Variants in RAPGEF1 observed in about 807,000 individuals in gnomAD.
RAPGEF1 encodes CRK SH3-binding GNRP.
In RAPGEF1, 33 loss-of-function variants were observed where a neutral mutation model predicts 143.3. That is an observed-to-expected ratio of 0.23 (90% CI 0.17 to 0.31). The LOEUF is 0.31. Among genes scored for constraint, RAPGEF1 ranks in the 10% least tolerant of loss-of-function variants. The pLI, the probability that RAPGEF1 is intolerant of heterozygous loss-of-function variation, is 1.00. For missense variants in RAPGEF1, 1,199 were observed against 1,645.4 expected (o/e 0.73, Z 4.69); for synonymous variants, 629 against 676.5 (o/e 0.93, Z 1.09).
chr9:131,580,395 G>T lies in RAPGEF1; in HGVS notation c.3513-4C>A. On this transcript the variant is annotated splice_polypyrimidine_tract_variant and splice_region_variant and intron_variant, in intron 25 of 26. Coordinates refer to ENST00000683357, the MANE Select transcript of RAPGEF1 (RefSeq NM_001377935.1). ...CAGGTCCTGCAGGATCAGCCCCCTGGGAGGACGGGTTAGGCAGCCTGTTAC... is the reference window on the plus strand; with the variant it reads ...CAGGTCCTGCAGGATCAGCCCCCTGTGAGGACGGGTTAGGCAGCCTGTTAC... The T allele has an allele frequency of 6.2e-7, 1 of 1,612,968 alleles. No homozygotes were observed. Among genetic ancestry groups the T allele is most frequent in the Non-Finnish European group, 8.5e-7 (1 of 1,179,340 alleles).
intron 1 of RAPGEF1, among the ~76,000 whole-genome samples, chr9:131,702,499 A>G (rs1834735043): frequency 1.3e-5 from 2 of 152,252 alleles, no homozygotes; most frequent in African/African-American, 4.8e-5. Context: ...GTGCCATCAG[A>G]TAATTCATCA....
intron 17 of RAPGEF1, among the ~76,000 whole-genome samples, chr9:131,593,295 T>C (rs113180312): frequency 2.0e-5 from 3 of 152,350 alleles, no homozygotes; most frequent in African/African-American, 7.2e-5. Flanking sequence ...ATTTATTTGC[T>C]GTGGTGACAC....
intron 1 of RAPGEF1, among the ~76,000 whole-genome samples, chr9:131,731,053 T>G (rs773566909): frequency 6.6e-6 from 1 of 152,170 alleles, no homozygotes; most frequent in African/African-American, 2.4e-5. Context: ...TGGGGAATAG[T>G]CAGATGGGCT....
intron 4 of RAPGEF1, among the ~76,000 whole-genome samples, chr9:131,640,989 G>C (rs777808272): frequency 6.6e-6 from 1 of 152,100 alleles, no homozygotes; most frequent in Non-Finnish European, 1.5e-5. Flanking sequence ...GGTCCTTACA[G>C]CCACACCCAG....
chr9:131,717,393 G>A (rs968394852), intron 1 of RAPGEF1, among the ~76,000 whole-genome samples: 11 of 152,308 alleles, frequency 7.2e-5, no homozygotes, highest in South Asian at 4.1e-4. Flanking sequence ...ATTAGTGAGC[G>A]TCAGCTATGT....
intron 17 of RAPGEF1, among the ~76,000 whole-genome samples, chr9:131,595,754 T>C (rs543530064): frequency 1.4e-4 from 21 of 152,278 alleles, no homozygotes; most frequent in African/African-American, 4.8e-4. Flanking sequence ...GTCCCTGCTT[T>C]TCCAGCCCTC....
chr9:131,624,969 C>T (rs1541052), intron 10 of RAPGEF1, among the ~76,000 whole-genome samples: 131,726 of 152,340 alleles, frequency 0.86, 57,157 homozygotes, highest in African/African-American at 0.93. Context: ...CTCAGGGCGA[C>T]CCTTGCTGGA....
Position 131,583,236 on chromosome 9 carries a change from C to T in RAPGEF1, c.3415-534G>A, listed in dbSNP as rs2132110389. Among the ~76,000 whole-genome samples the T allele has an allele frequency of 6.6e-6, 1 of 152,298 alleles. No homozygotes were observed. The highest frequency in any genetic ancestry group is 1.9e-4 in the East Asian group (1 of 5,184). On this transcript the variant is annotated intron_variant, in intron 24 of 26. Transcript: ENST00000683357. This position sits in a 1 kb window ranked among gnomAD's most constrained non-coding sequence, Gnocchi z 4.7. ...GAGACTCAGCCAGCCCTGCCCCACT[C>T]AGAAGGCCCCTCTCCTGCCTCTTCT...
At chr9:131,598,552 A>G in intron 15 of RAPGEF1, 1 of 651,962 alleles carries the variant, frequency 1.5e-6, no homozygotes, top group South Asian at 1.5e-5. Flanking sequence ...CGCTGGGAAA[A>G]TAAAAAGGTT....
intron 1 of RAPGEF1, among the ~76,000 whole-genome samples, chr9:131,721,230 T>C (rs2131279571): frequency 1.3e-5 from 2 of 152,274 alleles, no homozygotes; most frequent in Non-Finnish European, 2.9e-5. Flanking sequence ...TCCCTCAGTG[T>C]TTTCTCATCC....
intron 12 of RAPGEF1, among the ~76,000 whole-genome samples, chr9:131,617,363 G>A (rs1221646701): frequency 1.3e-5 from 2 of 152,228 alleles, no homozygotes; most frequent in African/African-American, 4.8e-5. Flanking sequence ...GGGATGCTGG[G>A]GGCTCTAAGG....
At chr9:131,656,176 T>C (rs1046747545) in intron 1 of RAPGEF1, among the ~76,000 whole-genome samples, 5 of 152,344 alleles carry the variant, frequency 3.3e-5, no homozygotes, top group African/African-American at 1.2e-4. Context: ...TGCTTCCAGA[T>C]CTTCATCCAG....
At chr9:131,606,848 C>T (rs932030630) in intron 12 of RAPGEF1, among the ~76,000 whole-genome samples, 25 of 152,096 alleles carry the variant, frequency 1.6e-4, no homozygotes, top group Non-Finnish European at 4.4e-5. Flanking sequence ...TGGTCTTGAA[C>T]TCCTGAGCTC....
At chr9:131,714,819 TG>T (rs1564195526) in intron 1 of RAPGEF1, among the ~76,000 whole-genome samples, 1 of 151,606 alleles carries the variant, frequency 6.6e-6, no homozygotes, top group Non-Finnish European at 1.5e-5. Flanking sequence ...GCAATCCTCC[TG>T]TCTCAGCCTC....
At position 131,586,161 on chromosome 9, in the gene RAPGEF1, A is replaced by C. The variant is rs144718542; in HGVS notation, c.3234-1565T>G. 6.1e-4 allele frequency among the ~76,000 whole-genome samples: 92 copies of C among 151,540 alleles called. 1 individual carries two copies. The East Asian group carries it at 0.015, about 24-fold the overall frequency. The stretch of plus-strand genomic sequence containing the variant: ...CAGTGAGCCGAGATTGCGCCACTGC[A>C]CTCCAGCCTGGGCGGCAGAGCCAGA... On this transcript the variant is annotated intron_variant, in intron 22 of 26. Transcript: ENST00000683357.
At chr9:131,722,931 C>T (rs1189238421) in intron 1 of RAPGEF1, among the ~76,000 whole-genome samples, 10 of 152,158 alleles carry the variant, frequency 6.6e-5, no homozygotes, top group Admixed American at 3.9e-4. Flanking sequence ...TGGTGGCTCA[C>T]GCCTGTAATC....
chr9:131,666,532 G>A (rs999913313), intron 1 of RAPGEF1, among the ~76,000 whole-genome samples: 1 of 152,016 alleles, frequency 6.6e-6, no homozygotes, highest in African/African-American at 2.4e-5. Flanking sequence ...GACTACAGGT[G>A]CCTGCTACCA....
intron 1 of RAPGEF1, among the ~76,000 whole-genome samples, chr9:131,731,504 C>T (rs765533014): frequency 6.6e-6 from 1 of 152,202 alleles, no homozygotes; most frequent in African/African-American, 2.4e-5. Context: ...TCACATTCCA[C>T]TGGATGTCAG....
intron 12 of RAPGEF1, among the ~76,000 whole-genome samples, chr9:131,607,932 CAT>C (rs778993327): frequency 7.9e-5 from 12 of 152,198 alleles, no homozygotes; most frequent in Non-Finnish European, 1.5e-4. Flanking sequence ...CCTAACCAAT[CAT>C]ATAGTGTGTT....
Sources: gnomAD v4.1 joint callset for allele counts (sites outside exome capture counted in the v4.1 genomes callset) on GRCh38, gnomAD v4.1.1 for gene constraint, Gnocchi (gnomAD v3.1) non-coding constraint, MANE v1.5 for transcripts, NCBI Gene and HGNC (gene_info 2026-07-23, HGNC 2026-07-21) for gene names.